The following HMCN2 variants were observed in gnomAD, a reference collection of about 807,000 sequenced individuals.
HMCN2 encodes hemicentin 2, also known as hemicentin-2.
A neutral mutation model predicts 377.5 loss-of-function variants in HMCN2; 325 were observed. That is an observed-to-expected ratio of 0.86 (90% confidence interval 0.79 to 0.94). The LOEUF is 0.94. Ranked by LOEUF, HMCN2 falls within the 40% of genes least tolerant of loss-of-function variation. HMCN2 has a pLI of 0.00. For missense variants in HMCN2, 4,543 were observed against 4,725.3 expected (o/e 0.96, Z 1.13); for synonymous variants, 2,007 against 2,046.8 (o/e 0.98, Z 0.53).
At chr9:130,421,664 C>T (rs925730388) in intron 86 of HMCN2, among the ~76,000 whole-genome samples, 1 of 152,140 alleles carries the variant, frequency 6.6e-6, no homozygotes, top group East Asian at 1.9e-4. Context: ...GGTTCACGGC[C>T]CTTCTCCTGT....
intron 63 of HMCN2, 33 bp from the exon 64 acceptor site, chr9:130,391,171 A>G: frequency 1.0e-6 from 1 of 987,950 alleles, no homozygotes; most frequent in Non-Finnish European, 1.2e-6. Context: ...AGCCCCTGCC[A>G]TCACCCAGGG....
intron 54 of HMCN2, among the ~76,000 whole-genome samples, chr9:130,381,910 G>C (rs1588355291): frequency 6.6e-6 from 1 of 152,194 alleles, no homozygotes; most frequent in East Asian, 1.9e-4. Flanking sequence ...CCATCTGTAA[G>C]ATGGGAGTGA....
rs932977450 is a variant in HMCN2 at position 130,371,107 on chromosome 9, G to A, written c.7213G>A (p.Gly2405Arg). The A allele has an allele frequency of 5.4e-5, 53 of 985,954 alleles. No homozygotes were observed. Among genetic ancestry groups the A allele is most frequent in the East Asian group, 1.1e-4 (1 of 8,822 alleles). 61.1% of individuals were successfully genotyped at this position (985,954 alleles called of 1,614,324 possible). The change falls in exon 46 of 98, where the codon GGG (glycine) becomes AGG (arginine). Residue 2405 changes from glycine (G) to arginine (R), a missense_variant. Gly to Arg is a moderately radical substitution (Grantham distance 125). Coordinates refer to ENST00000683500, the MANE Select transcript of HMCN2 (RefSeq NM_001291815.2). Reference protein sequence around the residue: ...WFRGEEPVSPGEDTYLLAGGW... With the variant: ...WFRGEEPVSPREDTYLLAGGW... ...CCGAGGGGAGGAGCCTGTCAGCCCC[G>A]GGGAGGACACCTACCTGCTGGCAGG... is the stretch of plus-strand genomic sequence containing the variant.
At chr9:130,318,795 C>A (rs1047355111) in intron 15 of HMCN2, among the ~76,000 whole-genome samples, 2 of 152,310 alleles carry the variant, frequency 1.3e-5, no homozygotes, top group East Asian at 1.9e-4. Context: ...TATAAGGTCA[C>A]GTTATTTATA....
intron 34 of HMCN2, among the ~76,000 whole-genome samples, chr9:130,356,606 G>A (rs545274909): frequency 6.6e-6 from 1 of 152,238 alleles, no homozygotes; most frequent in Non-Finnish European, 1.5e-5. Context: ...CCTCCTCTTT[G>A]CCTGCCTAGC....
chr9:130,269,601 A>C (rs1289530858), intron 1 of HMCN2, among the ~76,000 whole-genome samples: 1 of 148,504 alleles, frequency 6.7e-6, no homozygotes, highest in African/African-American at 2.4e-5. Flanking sequence ...TTTCTAATTC[A>C]AAAATGGAAA....
Position 130,349,681 on chromosome 9 carries a change from C to G in HMCN2, c.4430+18C>G, listed in dbSNP as rs982880362. ...GACAGGCAGTGAGTGCCCCCCTCCCCGAGGATGGCGTGTGGTGGTGCCCAG... is the reference window on the plus strand; with the variant it reads ...GACAGGCAGTGAGTGCCCCCCTCCCGGAGGATGGCGTGTGGTGGTGCCCAG... On this transcript the variant is annotated intron_variant, in intron 29 of 97. Transcript: ENST00000683500. 3 of 1,298,678 alleles carry G rather than the reference C, an allele frequency of 2.3e-6. No individual in the cohort carries two copies. The highest frequency in any genetic ancestry group is 3.0e-5 in the African/African-American group (2 of 65,828). 80.4% of individuals were successfully genotyped at this position (1,298,678 alleles called of 1,614,324 possible).
At chr9:130,407,462 G>A in intron 82 of HMCN2, 109 bp from the exon 83 acceptor site, 1 of 968,678 alleles carries the variant, frequency 1.0e-6, no homozygotes, top group Non-Finnish European at 1.4e-6. Flanking sequence ...CTTCACCCGG[G>A]ACTCCCATCT....
chr9:130,278,206 G>C (rs1296134924), intron 1 of HMCN2, among the ~76,000 whole-genome samples: 3 of 152,060 alleles, frequency 2.0e-5, no homozygotes, highest in African/African-American at 7.2e-5. Flanking sequence ...CTCACTGCAA[G>C]CTCCGCCTCC....
At chr9:130,371,282 A>G (rs535303890) in intron 46 of HMCN2, among the ~76,000 whole-genome samples, 151 bp downstream of exon 46, 3 of 152,336 alleles carry the variant, frequency 2.0e-5, no homozygotes, top group African/African-American at 7.2e-5. Flanking sequence ...AATGCAGCCC[A>G]AAACACTAGT....
intron 26 of HMCN2, 145 bp from the exon 27 acceptor site, chr9:130,348,400 G>A (rs1383508157): frequency 8.3e-7 from 1 of 1,201,184 alleles, no homozygotes; most frequent in Non-Finnish European, 1.1e-6. Context: ...CAGGTCCACA[G>A]GACCCTTTGT....
At chr9:130,366,659 G>A (rs1162092634) in intron 43 of HMCN2, among the ~76,000 whole-genome samples, 1 of 151,626 alleles carries the variant, frequency 6.6e-6, no homozygotes, top group Non-Finnish European at 1.5e-5. Flanking sequence ...TCACCATGTT[G>A]GCCAGGCTGG....
Position 130,394,650 on chromosome 9 carries a change from G to GT in HMCN2, c.10692+76dup. On this transcript the variant is annotated intron_variant, in intron 69 of 97. Coordinates refer to ENST00000683500, the MANE Select transcript of HMCN2 (RefSeq NM_001291815.2). This position sits in a 1 kb window ranked among gnomAD's most constrained non-coding sequence, Gnocchi z 5.1. ...AGGGACTGCAGGTTCCCCAGACCCA[G>GT]TGGGCAGTTGACAAAGTTGGGCTGA... 1 of 1,143,974 alleles carries GT rather than the reference G, an allele frequency of 8.7e-7. No homozygotes were observed. 70.9% of individuals were successfully genotyped at this position (1,143,974 alleles called of 1,614,324 possible).
At chr9:130,433,119 G>C (rs1204924797) in intron 97 of HMCN2, 1 of 476,762 alleles carries the variant, frequency 2.1e-6, no homozygotes. Flanking sequence ...GTCCGCTGGA[G>C]GGACCATGAA....
At chr9:130,268,814 C>T (rs543687553) in intron 1 of HMCN2, among the ~76,000 whole-genome samples, 3 of 147,986 alleles carry the variant, frequency 2.0e-5, no homozygotes, top group Admixed American at 6.7e-5. Flanking sequence ...AGGAGTGGAG[C>T]GGGAAAGTGG....
Position 130,398,727 on chromosome 9 carries a change from G to C in HMCN2, c.11483+20G>C, listed in dbSNP as rs542727983. On this transcript the variant is annotated intron_variant, in intron 75 of 97. Transcript: ENST00000683500. ...CTACCGGTAACGAGCTGGACTTTGC[G>C]GTGGCTTCCTGAGACGCACAGGGCG... 23 of 1,286,508 alleles carry C rather than the reference G, an allele frequency of 1.8e-5. 1 individual carries two copies. The South Asian group carries it at 1.9e-4, about 10-fold the overall frequency. The allele number at this position is 1,286,508 out of a possible 1,614,324, so 79.7% of individuals were successfully genotyped here. A position where few individuals can be genotyped will look rare whatever the true frequency, so the allele number is the denominator to read the frequency against.
Position 130,384,447 on chromosome 9 carries a change from G to A in HMCN2, c.8905G>A (p.Asp2969Asn), listed in dbSNP as rs758505599. ...ILNSSVSLPC[D>N]VHAHPNPEVT... ...CAACAGCAGCGTCTCCCTCCCTTGC[G>A]ACGTCCACGCTCACCCAAACCCCGA... is the stretch of plus-strand genomic sequence containing the variant. The change falls in exon 58 of 98, where the codon GAC becomes AAC. Residue 2969 changes from aspartate to asparagine, a missense_variant. This residue lies in a region of HMCN2 where 736 missense variants were observed against 773.2 expected (regional missense o/e 0.95). Transcript: ENST00000683500. The A allele has an allele frequency of 2.3e-5, 30 of 1,303,982 alleles. No individual in the cohort carries two copies. The highest frequency in any genetic ancestry group is 2.9e-5 in the Non-Finnish European group (29 of 988,952). 80.8% of individuals were successfully genotyped at this position (1,303,982 alleles called of 1,614,324 possible).
chr9:130,409,060 T>A lies in HMCN2; in HGVS notation c.12879+127T>A, dbSNP rs373461802. ...AGTGTACAAAGCACCTCCCTGCCCA[T>A]TCCTCAGATATCCTCCCACTACCAC... is the stretch of plus-strand genomic sequence containing the variant. On this transcript the variant is annotated intron_variant, in intron 84 of 97. Transcript: ENST00000683500. 3.9e-4 allele frequency: 204 copies of A among 525,296 alleles called. 1 individual carries two copies. The African/African-American group carries it at 3.9e-3, about 10-fold the overall frequency. 32.5% of individuals were successfully genotyped at this position (525,296 alleles called of 1,614,324 possible).
At chr9:130,337,329 C>T (rs1284764344) in intron 22 of HMCN2, among the ~76,000 whole-genome samples, 15 of 152,176 alleles carry the variant, frequency 9.9e-5, no homozygotes, top group East Asian at 5.8e-4. Flanking sequence ...CAGTTCTGGA[C>T]GTAAGAGCAC....
Sources: allele counts gnomAD v4.1 joint callset (sites outside exome capture counted in the v4.1 genomes callset), GRCh38; gene constraint gnomAD v4.1.1; regional missense constraint gnomAD v4.1.1; non-coding constraint Gnocchi (gnomAD v3.1); transcripts MANE v1.5; gene names NCBI Gene and HGNC (gene_info 2026-07-23, HGNC 2026-07-21).